The following ANKS1B variants were observed in gnomAD, a reference collection of about 807,000 sequenced individuals.
ANKS1B encodes the protein ankyrin repeat and sterile alpha motif domain containing 1B.
In ANKS1B, 36 loss-of-function variants were observed where a neutral mutation model predicts 148.3. The ratio of observed to expected loss-of-function variants is 0.24; its 90% CI spans 0.19 to 0.32. The LOEUF is 0.32. ANKS1B is among the 10% of genes least tolerant of loss of function. The pLI, the probability that ANKS1B is intolerant of heterozygous loss-of-function variation, is 1.00. For missense variants in ANKS1B, 1,157 were observed against 1,542.6 expected, an observed-to-expected ratio of 0.75 and a Z score of 4.19; for synonymous variants, 542 against 560.8, an observed-to-expected ratio of 0.97 and a Z score of 0.47.
chr12:99,270,669 C>T (rs2076939948), intron 12 of ANKS1B, among the ~76,000 whole-genome samples: 1 of 152,064 alleles, frequency 6.6e-6, no homozygotes, highest in African/African-American at 2.4e-5. Context: ...TAATATCAGC[C>T]TCATCTTCCT....
At chr12:98,818,200 C>T (rs2099157869) in intron 19 of ANKS1B, among the ~76,000 whole-genome samples, 1 of 138,482 alleles carries the variant, frequency 7.2e-6, no homozygotes, top group African/African-American at 2.6e-5. Context: ...TCTCTTCCTC[C>T]CTCCCTCTTT....
Position 99,220,902 on chromosome 12 carries a change from CA to C in ANKS1B, c.2419+23439del, listed in dbSNP as rs1169841276. 2.0e-5 allele frequency among the ~76,000 whole-genome samples: 3 copies of C among 152,020 alleles called. No individual in the cohort carries two copies. In the East Asian group the frequency reaches 5.8e-4, roughly 29 times the overall value. On this transcript the variant is annotated intron_variant, in intron 14 of 26. Coordinates refer to ENST00000683438, the MANE Select transcript of ANKS1B (RefSeq NM_001352186.2). ...TACATAGATCAAATATAGAAAAACC[CA>C]AACCATAAAAGTACTAGAAGAAATT...
chr12:99,809,484 A>G (rs2068064054), intron 3 of ANKS1B, among the ~76,000 whole-genome samples: 1 of 151,992 alleles, frequency 6.6e-6, no homozygotes, highest in Non-Finnish European at 1.5e-5. Context: ...TGCAAAAAGG[A>G]AATAATCAGA....
chr12:99,857,999 C>T (rs530440342), intron 1 of ANKS1B, among the ~76,000 whole-genome samples: 2 of 152,136 alleles, frequency 1.3e-5, no homozygotes, highest in Admixed American at 1.3e-4. Context: ...GACCAAGAAC[C>T]CAAAAGCAAA....
chr12:99,378,670 A>G (rs11109818), intron 12 of ANKS1B, among the ~76,000 whole-genome samples: 42,684 of 146,012 alleles, frequency 0.29, 7,433 homozygotes, highest in East Asian at 0.48. Context: ...AAAAAAAAAA[A>G]AAAGAAAAAG....
At chr12:98,817,484 G>T (rs2099150874) in intron 19 of ANKS1B, among the ~76,000 whole-genome samples, 1 of 152,332 alleles carries the variant, frequency 6.6e-6, no homozygotes, top group South Asian at 2.1e-4. Context: ...TTTGTTTCTT[G>T]TGAGTTACCC....
Position 98,751,382 on chromosome 12 carries a change from C to T in ANKS1B, c.3720G>A (p.Lys1240=), listed in dbSNP as rs765902934. Residue 1240 remains lysine, a synonymous_variant, in exon 26 of 27, where the codon AAG becomes AAA. Coordinates refer to ENST00000683438, the MANE Select transcript of ANKS1B (RefSeq NM_001352186.2). The surrounding 1 kb of genome is among the most constrained non-coding windows in gnomAD (Gnocchi z 4.3). ...FENKPSKPIP[K]PRVSIRKSVQ... ...CGGACTTGCGAATGCTAACGCGGGG[C>T]TTGGGGATGGGTTTGGAGGGTTTGT... 1.4e-5 allele frequency: 22 copies of T among 1,613,728 alleles called. No individual in the cohort carries two copies. Among genetic ancestry groups the T allele is most frequent in the Non-Finnish European group, 1.9e-5 (22 of 1,179,790 alleles).
intron 15 of ANKS1B, among the ~76,000 whole-genome samples, chr12:99,115,304 A>G (rs558304614): frequency 6.6e-6 from 1 of 152,302 alleles, no homozygotes; most frequent in African/African-American, 2.4e-5. Flanking sequence ...AAAGAACAAG[A>G]TCATGTCTTT....
chr12:99,789,597 T>C (rs2065392382), intron 4 of ANKS1B, among the ~76,000 whole-genome samples: 1 of 152,178 alleles, frequency 6.6e-6, no homozygotes, highest in South Asian at 2.1e-4. Flanking sequence ...CAGATAAATT[T>C]AACAAAGAGA....
intron 17 of ANKS1B, among the ~76,000 whole-genome samples, chr12:98,990,083 T>C (rs1282553169): frequency 6.6e-6 from 1 of 152,136 alleles, no homozygotes; most frequent in African/African-American, 2.4e-5. Context: ...AGAGATTGCA[T>C]TGAATGTATA....
chr12:99,771,024 A>T (rs1476957812), intron 8 of ANKS1B, among the ~76,000 whole-genome samples: 1 of 152,090 alleles, frequency 6.6e-6, no homozygotes, highest in Non-Finnish European at 1.5e-5. Flanking sequence ...TACAAAAAAA[A>T]TTGAACATCT....
intron 1 of ANKS1B, among the ~76,000 whole-genome samples, chr12:99,981,040 G>A (rs1489583305): frequency 6.6e-6 from 1 of 151,990 alleles, no homozygotes; most frequent in Non-Finnish European, 1.5e-5. Context: ...TTCTATGATT[G>A]CTATGGGAAA....
At chr12:99,691,996 T>TA (rs1474766324) in intron 8 of ANKS1B, among the ~76,000 whole-genome samples, 1 of 152,224 alleles carries the variant, frequency 6.6e-6, no homozygotes, top group East Asian at 1.9e-4. Flanking sequence ...CATTTTAAGA[T>TA]AAAAAATGGG....
intron 9 of ANKS1B, among the ~76,000 whole-genome samples, chr12:99,604,752 T>C (rs1159967790): frequency 6.7e-6 from 1 of 148,342 alleles, no homozygotes; most frequent in Non-Finnish European, 1.5e-5. Flanking sequence ...GAGGTGGAGG[T>C]TGCAGTGAGC....
At chr12:99,632,602 G>C (rs894499480) in intron 9 of ANKS1B, among the ~76,000 whole-genome samples, 1 of 151,196 alleles carries the variant, frequency 6.6e-6, no homozygotes, top group Non-Finnish European at 1.5e-5. Context: ...AGTTTGTGCA[G>C]AATGCTAGTC....
intron 9 of ANKS1B, among the ~76,000 whole-genome samples, chr12:99,581,942 A>ATAAAC (rs1407696685): frequency 6.6e-6 from 1 of 151,658 alleles, no homozygotes; most frequent in Non-Finnish European, 1.5e-5. Flanking sequence ...AAGTCAAGCC[A>ATAAAC]TAAACTTGGA....
At chr12:99,679,152 GAATAATGGGATAAAAA>G (rs2098599236) in intron 8 of ANKS1B, among the ~76,000 whole-genome samples, 1 of 152,158 alleles carries the variant, frequency 6.6e-6, no homozygotes, top group African/African-American at 2.4e-5. Flanking sequence ...GTAAGTTGGT[GAATAATGGGATAAAAA>G]CAAATGAAGA....
At position 98,887,648 on chromosome 12, in the gene ANKS1B, C is replaced by T. The variant is rs567905692; in HGVS notation, c.2779-55512G>A. On this transcript the variant is annotated intron_variant, in intron 17 of 26. Transcript: ENST00000683438. ...TTTTTGAGACAGTCTCACTCTGTCTCCCAGGCTGGAGTGTAGTGGTGCGAT... is the reference window on the plus strand; with the variant it reads ...TTTTTGAGACAGTCTCACTCTGTCTTCCAGGCTGGAGTGTAGTGGTGCGAT... 9.2e-5 allele frequency among the ~76,000 whole-genome samples: 14 copies of T among 151,970 alleles called. No homozygotes were observed. In the South Asian group the frequency reaches 2.9e-3, roughly 32 times the overall value.
intron 12 of ANKS1B, among the ~76,000 whole-genome samples, chr12:99,301,829 AAAGGCATAAAGCAACGGT>A (rs1191437991): frequency 6.6e-6 from 1 of 152,202 alleles, no homozygotes; most frequent in East Asian, 1.9e-4. Flanking sequence ...TTATATAAAA[AAAGGCATAAAGCAACGGT>A]AAGGCATTGG....
Sources: gnomAD v4.1 joint callset for allele counts (sites outside exome capture counted in the v4.1 genomes callset) on GRCh38, gnomAD v4.1.1 for gene constraint, Gnocchi (gnomAD v3.1) non-coding constraint, MANE v1.5 for transcripts, NCBI Gene and HGNC (gene_info 2026-07-23, HGNC 2026-07-21) for gene names.